NOVA1: variants seen among roughly 807,000 people sequenced by gnomAD.
NOVA1 encodes the protein NOVA alternative splicing regulator 1.
A neutral mutation model predicts 38.0 loss-of-function variants in NOVA1; 7 were observed. The observed-to-expected ratio is 0.18, with a 90% CI of 0.10 to 0.35. The LOEUF is 0.35. Among genes scored for constraint, NOVA1 ranks in the 10% least tolerant of loss-of-function variants. The probability of loss-of-function intolerance (pLI) is 1.00; values close to 1 mark genes in which losing one functional copy is unlikely to be tolerated. For missense variants in NOVA1, 460 were observed against 616.0 expected, an observed-to-expected ratio of 0.75 and a Z score of 2.68; for synonymous variants, 270 against 232.5, an observed-to-expected ratio of 1.16 and a Z score of -1.47.
Position 26,448,971 on chromosome 14 carries a change from T to TA in NOVA1, c.520-9dup, listed in dbSNP as rs758053187. On this transcript the variant is annotated splice_polypyrimidine_tract_variant and intron_variant, in intron 4 of 4. Transcript: ENST00000539517. The surrounding 1 kb of genome is among the most constrained non-coding windows in gnomAD (Gnocchi z 5.3). ...GGGAACTATAATCTTTACCTGTAAT[T>TA]AAAAAAAATACGTATAAATAATACT... 270 of 1,582,186 alleles carry TA rather than the reference T, an allele frequency of 1.7e-4. 2 individuals carry two copies. The highest frequency in any genetic ancestry group is 3.1e-4 in the South Asian group (27 of 88,248).
chr14:26,517,807 C>T (rs1888580131), intron 2 of NOVA1, among the ~76,000 whole-genome samples: 1 of 152,058 alleles, frequency 6.6e-6, no homozygotes, highest in South Asian at 2.1e-4. Context: ...TCACCATTTC[C>T]AACAAGGACA....
intron 2 of NOVA1, among the ~76,000 whole-genome samples, chr14:26,504,767 G>C (rs1396442961): frequency 9.4e-6 from 1 of 106,302 alleles, no homozygotes; most frequent in Non-Finnish European, 2.3e-5. Context: ...ATGAACAAAC[G>C]ACAGTAAGTT....
intron 1 of NOVA1, chr14:26,596,479 G>A: frequency 8.4e-7 from 1 of 1,190,812 alleles, no homozygotes; most frequent in Non-Finnish European, 1.1e-6. Flanking sequence ...GGTAAATCCA[G>A]CTTTCTTAAT....
At chr14:26,493,820 G>T (rs1347145296) in intron 2 of NOVA1, among the ~76,000 whole-genome samples, 2 of 152,022 alleles carry the variant, frequency 1.3e-5, no homozygotes, top group Admixed American at 6.6e-5. Context: ...AAGTTCTTGG[G>T]TATCCTTCAG....
chr14:26,466,166 G>C (rs184641563), intron 4 of NOVA1, among the ~76,000 whole-genome samples: 87 of 152,242 alleles, frequency 5.7e-4, no homozygotes, highest in Non-Finnish European at 9.8e-4. Flanking sequence ...GTCTGCAAGG[G>C]GCAACAAATG....
intron 2 of NOVA1, chr14:26,568,346 C>G (rs1047109331): frequency 6.6e-6 from 1 of 152,136 alleles, no homozygotes; most frequent in Non-Finnish European, 1.5e-5. Flanking sequence ...CAATGTACAG[C>G]ATGGACTCTG....
intron 2 of NOVA1, among the ~76,000 whole-genome samples, chr14:26,527,200 A>C (rs1889370578): frequency 9.8e-6 from 1 of 101,816 alleles, no homozygotes; most frequent in East Asian, 3.9e-4. Context: ...TCAATGACTG[A>C]TACCAGGAGT....
intron 4 of NOVA1, among the ~76,000 whole-genome samples, chr14:26,459,201 C>T (rs868421237): frequency 1.3e-5 from 2 of 152,080 alleles, no homozygotes; most frequent in Non-Finnish European, 2.9e-5. Context: ...TATTATATTA[C>T]ATGTTATACA....
rs1435069026 is a variant in NOVA1, at chr14:26,447,563, TAGGTC to T, written c.*391_*395del. The T allele has an allele frequency of 1.6e-5, 3 of 190,090 alleles. No homozygotes were observed. The East Asian group carries it at 3.8e-4, about 24-fold the overall frequency. The allele number at this position is 190,090 out of a possible 1,614,324, so 11.8% of individuals were successfully genotyped here. A position where few individuals can be genotyped will look rare whatever the true frequency, so the allele number is the denominator to read the frequency against. On this transcript the variant is annotated 3_prime_UTR_variant, in exon 5 of 5. Coordinates refer to ENST00000539517, the MANE Select transcript of NOVA1 (RefSeq NM_002515.3). Reference sequence around the variant, plus strand: ...ACAGTGCTTTGGCCTCACTCCATTTTAGGTCACTGACCCCACCATACTCAACCTAA... The same window carrying T: ...ACAGTGCTTTGGCCTCACTCCATTTTACTGACCCCACCATACTCAACCTAA...
chr14:26,507,394 T>C (rs1887722167), intron 2 of NOVA1, among the ~76,000 whole-genome samples: 1 of 152,200 alleles, frequency 6.6e-6, no homozygotes, highest in South Asian at 2.1e-4. Flanking sequence ...TAGCAGTCGA[T>C]AAAGCTGCTA....
intron 2 of NOVA1, among the ~76,000 whole-genome samples, chr14:26,557,996 G>GAA (rs529682143): frequency 7.9e-6 from 1 of 126,916 alleles, no homozygotes; most frequent in Non-Finnish European, 1.7e-5. Flanking sequence ...CTTGTTAAAT[G>GAA]AAAAAAAAAA....
intron 2 of NOVA1, among the ~76,000 whole-genome samples, chr14:26,481,673 T>A (rs1353330078): frequency 1.3e-5 from 2 of 152,100 alleles, no homozygotes; most frequent in African/African-American, 4.8e-5. Context: ...AAAAACATAA[T>A]GTGAGTCTGT....
chr14:26,594,986 G>T (rs151214679), intron 2 of NOVA1, among the ~76,000 whole-genome samples: 211 of 152,146 alleles, frequency 1.4e-3, no homozygotes, highest in African/African-American at 4.8e-3. Context: ...GTACATAATG[G>T]ATTCAGAAGT....
intron 2 of NOVA1, among the ~76,000 whole-genome samples, chr14:26,582,726 T>C (rs970073666): frequency 6.6e-6 from 1 of 151,838 alleles, no homozygotes; most frequent in Non-Finnish European, 1.5e-5. Context: ...ATCAGCCAGA[T>C]AGATCTTATG....
At chr14:26,551,784 T>C (rs1001759172) in intron 2 of NOVA1, among the ~76,000 whole-genome samples, 2 of 152,074 alleles carry the variant, frequency 1.3e-5, no homozygotes, top group Non-Finnish European at 2.9e-5. Flanking sequence ...ATACTTTTAT[T>C]TGTATGTATC....
intron 1 of NOVA1, 23 bp downstream of exon 1, chr14:26,597,278 G>T: frequency 1.6e-6 from 2 of 1,241,510 alleles, no homozygotes; most frequent in Non-Finnish European, 2.0e-6. Context: ...TGGGGCCAGC[G>T]GGGAGGTGGA....
intron 3 of NOVA1, among the ~76,000 whole-genome samples, chr14:26,478,263 T>C (rs1420756251): frequency 6.6e-6 from 1 of 151,952 alleles, no homozygotes; most frequent in Non-Finnish European, 1.5e-5. Context: ...CAATGATTCA[T>C]AGACCATTAT....
intron 2 of NOVA1, among the ~76,000 whole-genome samples, chr14:26,530,292 T>C (rs1889614683): frequency 6.6e-6 from 1 of 152,244 alleles, no homozygotes; most frequent in African/African-American, 2.4e-5. Flanking sequence ...ACCTGCTGCA[T>C]GCTTGAAAAA....
intron 1 of NOVA1, chr14:26,596,732 CA>C: frequency 1.6e-6 from 2 of 1,273,376 alleles, no homozygotes; most frequent in Non-Finnish European, 1.0e-6. Flanking sequence ...CCCCTGAAGA[CA>C]AATCAATGAA....
Sources: allele counts gnomAD v4.1 joint callset (sites outside exome capture counted in the v4.1 genomes callset), GRCh38; gene constraint gnomAD v4.1.1; non-coding constraint Gnocchi (gnomAD v3.1); transcripts MANE v1.5; gene names NCBI Gene and HGNC (gene_info 2026-07-23, HGNC 2026-07-21).